The following LY75 variants were observed in gnomAD, a reference collection of about 807,000 sequenced individuals.
The protein encoded by LY75 is lymphocyte antigen 75.
LY75 carries 185 observed loss-of-function variants against 231.7 expected under a neutral mutation model. That is an observed-to-expected ratio of 0.80 (90% confidence interval 0.71 to 0.90). The LOEUF is 0.90. Among genes scored for constraint, LY75 ranks in the 40% least tolerant of loss-of-function variants. The probability of loss-of-function intolerance (pLI) is 0.00; values close to 1 mark genes in which losing one functional copy is unlikely to be tolerated. For synonymous variants in LY75, 668 were observed against 689.0 expected, an observed-to-expected ratio of 0.97 and a Z score of 0.48; for missense variants, 1,947 against 2,050.2, an observed-to-expected ratio of 0.95 and a Z score of 0.97.
At chr2:159,824,681 G>A (rs532974438) in intron 28 of LY75, among the ~76,000 whole-genome samples, 7 of 152,196 alleles carry the variant, frequency 4.6e-5, no homozygotes, top group South Asian at 4.1e-4. Context: ...GCACCTCATC[G>A]CACTTATTCT....
At chr2:159,854,795 G>T in intron 17 of LY75, 109 bp downstream of exon 17, 1 of 1,469,662 alleles carries the variant, frequency 6.8e-7, no homozygotes. Context: ...GAGAAATTTT[G>T]TCTCACTTGA....
intron 31 of LY75, among the ~76,000 whole-genome samples, chr2:159,814,191 G>GT (rs1314398213): frequency 2.0e-5 from 3 of 152,084 alleles, no homozygotes. Flanking sequence ...CCGGTAGTTT[G>GT]TTTTTTTGTG....
intron 8 of LY75, among the ~76,000 whole-genome samples, chr2:159,880,385 G>A (rs187181797): frequency 3.9e-5 from 6 of 152,262 alleles, no homozygotes; most frequent in Admixed American, 2.0e-4. Flanking sequence ...AAGTAGTATC[G>A]ATATAAAACA....
intron 14 of LY75, among the ~76,000 whole-genome samples, chr2:159,863,426 G>A (rs1684771574): frequency 6.6e-6 from 1 of 152,078 alleles, no homozygotes; most frequent in Admixed American, 6.5e-5. Context: ...CCAACAGTGT[G>A]CAAAAGCTCC....
intron 23 of LY75, among the ~76,000 whole-genome samples, chr2:159,848,370 A>AT (rs1684282173): frequency 6.6e-6 from 1 of 152,098 alleles, no homozygotes; most frequent in Admixed American, 6.6e-5. Context: ...ATGCAAAGGC[A>AT]TAAGAATGAC....
intron 3 of LY75, among the ~76,000 whole-genome samples, chr2:159,891,797 G>A (rs910172633): frequency 3.3e-5 from 5 of 152,176 alleles, no homozygotes; most frequent in African/African-American, 1.2e-4. Context: ...GACCCTGACA[G>A]GTCATTTCAC....
At chr2:159,903,602 T>C (rs1262016045) in intron 1 of LY75, 1 of 152,216 alleles carries the variant, frequency 6.6e-6, no homozygotes, top group Admixed American at 6.5e-5. Context: ...GTAACTTAGC[T>C]TAGCTGCAAA....
rs905424988 is a variant in LY75, at chr2:159,815,270, G to A, written c.4549+135C>T. 2.7e-6 allele frequency: 3 copies of A among 1,128,406 alleles called. No homozygotes were observed. In the African/African-American group the frequency reaches 4.8e-5, roughly 18 times the overall value. 69.9% of individuals were successfully genotyped at this position (1,128,406 alleles called of 1,614,324 possible). On this transcript the variant is annotated intron_variant, in intron 31 of 34. Transcript: ENST00000263636. Reference sequence around the variant, plus strand: ...CACGCCTCGGCCTCCCAAAGTGCTGGGATTACAGGCGCGAGCCACTGCGCC... The same window carrying A: ...CACGCCTCGGCCTCCCAAAGTGCTGAGATTACAGGCGCGAGCCACTGCGCC...
chr2:159,852,112 T>C (rs1684416752), intron 21 of LY75, 89 bp downstream of exon 21: 9 of 1,517,872 alleles, frequency 5.9e-6, no homozygotes, highest in Non-Finnish European at 7.1e-6. Flanking sequence ...TTCAGTGATG[T>C]TGTCACTAAT....
At chr2:159,850,791 T>TATATATATATATATATATATATATATA (rs1341394980) in intron 21 of LY75, among the ~76,000 whole-genome samples, 9 of 94,508 alleles carry the variant, frequency 9.5e-5, no homozygotes, top group South Asian at 2.5e-4. Context: ...TATATATATA[T>TATATATATATATATATATATATATATA]ATATATATTA....
chr2:159,809,731 G>A (rs1000749833), intron 32 of LY75, among the ~76,000 whole-genome samples: 8 of 151,448 alleles, frequency 5.3e-5, no homozygotes, highest in Non-Finnish European at 1.2e-4. Flanking sequence ...AGGCTGGAGC[G>A]CAGTGGCACA....
At chr2:159,874,843 A>ATGTATATATATATATTT (rs1272740046) in intron 12 of LY75, among the ~76,000 whole-genome samples, 11 of 23,422 alleles carry the variant, frequency 4.7e-4, no homozygotes, top group Non-Finnish European at 1.7e-3. Flanking sequence ...TTGTAAATAT[A>ATGTATATATATATATTT]TGTAAATATA....
intron 8 of LY75, among the ~76,000 whole-genome samples, chr2:159,880,792 A>T (rs1351906953): frequency 6.6e-6 from 1 of 152,160 alleles, no homozygotes; most frequent in Non-Finnish European, 1.5e-5. Flanking sequence ...TGCAACCTAG[A>T]TCCCTTGCAT....
chr2:159,817,164 T>A (rs946094642), intron 29 of LY75, 132 bp from the exon 30 acceptor site: 1 of 971,346 alleles, frequency 1.0e-6, no homozygotes, highest in Non-Finnish European at 1.4e-6. Flanking sequence ...GTCAAATGTA[T>A]ATTTTATTTT....
intron 2 of LY75, among the ~76,000 whole-genome samples, chr2:159,895,372 C>T (rs1471038607): frequency 5.3e-5 from 8 of 152,096 alleles, no homozygotes; most frequent in Admixed American, 2.6e-4. Context: ...TCAGTTTAAC[C>T]GCATCAAAAC....
chr2:159,843,362 C>T (rs1574549942), intron 23 of LY75, among the ~76,000 whole-genome samples: 1 of 151,920 alleles, frequency 6.6e-6, no homozygotes, highest in Non-Finnish European at 1.5e-5. Flanking sequence ...TACTTCAATA[C>T]ATTTGAAAAT....
Position 159,875,656 on chromosome 2 carries a change from T to G in LY75, c.1775-13A>C. ...CCGCCCGGGGAAGCTGGGATTGAAG[T>G]GGAAAGCTCAATTAAAAATTAAAAC... On this transcript the variant is annotated splice_polypyrimidine_tract_variant and intron_variant, in intron 11 of 34. Coordinates refer to ENST00000263636, the MANE Select transcript of LY75 (RefSeq NM_002349.4). The G allele has an allele frequency of 6.2e-7, 1 of 1,611,832 alleles. No homozygotes were observed.
At chr2:159,874,966 T>A (rs867882857) in intron 12 of LY75, among the ~76,000 whole-genome samples, 3 of 138,626 alleles carry the variant, frequency 2.2e-5, no homozygotes, top group East Asian at 4.1e-4. Flanking sequence ...AATATATTTA[T>A]AATATATATA....
At position 159,842,303 on chromosome 2, in the gene LY75, C is replaced by T. The variant is rs761704026; in HGVS notation, c.3222G>A (p.Thr1074=). The change falls in exon 24 of 35, where the codon ACG becomes ACA. Residue 1074 remains threonine (T), a synonymous_variant. Coordinates refer to ENST00000263636, the MANE Select transcript of LY75 (RefSeq NM_002349.4). ...LNLQKSPFTG[T]WNFTSCSERH... ...GTTCACTGCAGGATGTAAAATTCCA[C>T]GTCCCAGTAAACGGTGATTTTTGGA... 48 of 1,612,558 alleles carry T rather than the reference C, an allele frequency of 3.0e-5. No homozygotes were observed. Among genetic ancestry groups the T allele is most frequent in the South Asian group, 1.1e-4 (10 of 91,074 alleles).
Sources: gnomAD v4.1 joint callset for allele counts (sites outside exome capture counted in the v4.1 genomes callset) on GRCh38, gnomAD v4.1.1 for gene constraint, MANE v1.5 for transcripts, NCBI Gene and HGNC (gene_info 2026-07-23, HGNC 2026-07-21) for gene names.